Variants in ZNF227 observed in about 807,000 individuals in gnomAD.
ZNF227 encodes the protein zinc finger protein 227.
Under a neutral mutation model 13.2 loss-of-function variants are expected in ZNF227, and 12 were observed. That is an observed-to-expected ratio of 0.91 (90% confidence interval 0.58 to 1.47). The LOEUF (loss-of-function observed/expected upper bound fraction) is 1.47, where lower values mean the gene tolerates loss of function less well. ZNF227 is among the 40% of genes most tolerant of loss of function. The probability of loss-of-function intolerance (pLI) is 0.00; values close to 1 mark genes in which losing one functional copy is unlikely to be tolerated. For missense variants in ZNF227, 885 were observed against 967.5 expected (o/e 0.91, Z 1.13); for synonymous variants, 338 against 326.0 (o/e 1.04, Z -0.40).
At chr19:44,219,299 T>G (rs1300131036) in intron 3 of ZNF227, among the ~76,000 whole-genome samples, 2 of 152,184 alleles carry the variant, frequency 1.3e-5, no homozygotes, top group African/African-American at 2.4e-5. Flanking sequence ...ACGTAGATGC[T>G]CAAGCACAGT....
intron 3 of ZNF227, among the ~76,000 whole-genome samples, chr19:44,218,200 T>C (rs1318966979): frequency 6.6e-6 from 1 of 152,194 alleles, no homozygotes; most frequent in Non-Finnish European, 1.5e-5. Context: ...ACCTGCATTG[T>C]AAGTGAGTAC....
intron 5 of ZNF227, among the ~76,000 whole-genome samples, chr19:44,233,751 C>T (rs920534989): frequency 6.6e-6 from 1 of 152,046 alleles, no homozygotes; most frequent in Non-Finnish European, 1.5e-5. Flanking sequence ...CAAAAATTGG[C>T]TGAGTGTAGT....
intron 4 of ZNF227, 146 bp from the exon 5 acceptor site, chr19:44,229,587 G>A (rs1007196443): frequency 3.2e-5 from 12 of 375,384 alleles, no homozygotes; most frequent in Non-Finnish European, 4.4e-6. Context: ...ACTTCAGCCT[G>A]GGCGATAGAG....
intron 5 of ZNF227, among the ~76,000 whole-genome samples, chr19:44,233,781 C>T (rs545979229): frequency 2.0e-5 from 3 of 152,170 alleles, no homozygotes; most frequent in East Asian, 1.9e-4. Flanking sequence ...CAGTAATCCC[C>T]GCTACCCGGG....
At chr19:44,217,591 C>A in intron 2 of ZNF227, 200 bp from the exon 3 acceptor site, 1 of 731,596 alleles carries the variant, frequency 1.4e-6, no homozygotes, top group South Asian at 1.4e-5. Context: ...AGCAAGGATG[C>A]TGCACTTGTG....
At chr19:44,215,879 T>G (rs541194976) in intron 2 of ZNF227, among the ~76,000 whole-genome samples, 42 of 151,128 alleles carry the variant, frequency 2.8e-4, no homozygotes, top group African/African-American at 1.0e-3. Context: ...TCCCAGCTAC[T>G]CAGGAGGCTG....
upstream of ZNF227, among the ~76,000 whole-genome samples, chr19:44,208,828 T>C (rs1478472561): frequency 1.3e-5 from 2 of 152,162 alleles, no homozygotes; most frequent in Non-Finnish European, 2.9e-5. Flanking sequence ...ATTCTCCTTA[T>C]AGAAATAATG....
chr19:44,225,046 T>C (rs1972957479), intron 3 of ZNF227, among the ~76,000 whole-genome samples: 1 of 152,042 alleles, frequency 6.6e-6, no homozygotes, highest in Non-Finnish European at 1.5e-5. Context: ...TGGCTGGATA[T>C]GAAATTCTGG....
intron 3 of ZNF227, among the ~76,000 whole-genome samples, chr19:44,224,830 T>A (rs1340472712): frequency 3.3e-5 from 5 of 152,234 alleles, no homozygotes; most frequent in African/African-American, 7.2e-5. Flanking sequence ...CTGGTTATTT[T>A]GCTCGTTAGT....
upstream of ZNF227, among the ~76,000 whole-genome samples, chr19:44,208,369 C>T (rs1340048854): frequency 6.6e-6 from 1 of 152,200 alleles, no homozygotes; most frequent in Non-Finnish European, 1.5e-5. Context: ...ACCTCATCTG[C>T]TAGCCGATTT....
At chr19:44,220,141 T>C (rs1972329821) in intron 3 of ZNF227, among the ~76,000 whole-genome samples, 1 of 152,200 alleles carries the variant, frequency 6.6e-6, no homozygotes, top group African/African-American at 2.4e-5. Flanking sequence ...TAGTATTCCA[T>C]GGTGTATATG....
At chr19:44,223,576 T>G (rs11666199) in intron 3 of ZNF227, among the ~76,000 whole-genome samples, 68,267 of 151,944 alleles carry the variant, frequency 0.45, 16,817 homozygotes, top group South Asian at 0.65. Flanking sequence ...TATTCTCTGA[T>G]GGTAGTTTGT....
At chr19:44,220,508 C>T (rs150178882) in intron 3 of ZNF227, among the ~76,000 whole-genome samples, 171 of 151,880 alleles carry the variant, frequency 1.1e-3, no homozygotes, top group Non-Finnish European at 2.0e-3. Flanking sequence ...ATAAAGATAC[C>T]GATCACAGTA....
At chr19:44,230,937 A>AGATATATATCTATATC (rs1568609980) in intron 5 of ZNF227, among the ~76,000 whole-genome samples, 8 of 136,438 alleles carry the variant, frequency 5.9e-5, no homozygotes, top group African/African-American at 2.4e-4. Context: ...ATATATATAT[A>AGATATATATCTATATC]TATATATATA....
In ZNF227 at chr19:44,236,279, A is replaced by G. The variant is rs377419243; in HGVS notation, c.1849A>G (p.Ile617Val). The change falls in exon 6 of 6, where the codon ATA (isoleucine) becomes GTA (valine). Residue 617 changes from isoleucine (I) to valine (V), a missense_variant. Physicochemically the swap from Ile to Val is conservative, Grantham distance 29. Transcript: ENST00000313040. ...EQCDKSFSQA[I>V]DFRVHQRVHT... ...GTGTGATAAGAGCTTCAGTCAGGCC[A>G]TAGATTTTCGGGTACATCAGAGAGT... 21 of 1,613,708 alleles carry G rather than the reference A, an allele frequency of 1.3e-5. No individual in the cohort carries two copies. The African/African-American group carries it at 2.4e-4, about 18-fold the overall frequency.
chr19:44,235,785 T>C lies in ZNF227; in HGVS notation c.1355T>C (p.Ile452Thr). 1 of 1,610,016 alleles carries C rather than the reference T, an allele frequency of 6.2e-7. No individual in the cohort carries two copies. The highest frequency in any genetic ancestry group is 8.5e-7 in the Non-Finnish European group (1 of 1,178,876). The stretch of plus-strand genomic sequence containing the variant: ...GGCTTCAGCCACAATTCACCATTAA[T>C]ATGCCATCGGAGAGTCCACACAGGA... The part of the protein sequence containing the change: ...GKGFSHNSPL[I>T]CHRRVHTGEK... The change falls in exon 6 of 6, where the codon ATA (isoleucine) becomes ACA (threonine). Residue 452 changes from isoleucine to threonine, a missense_variant. Ile to Thr is a moderately conservative substitution (Grantham distance 89). Transcript: ENST00000313040.
Position 44,235,724 on chromosome 19 carries a change from G to A in ZNF227, c.1294G>A (p.Gly432Arg), listed in dbSNP as rs1414863356. ...TCACATCCATCAGAGAGTCCACACTGGAGAGAAACCCTACAAGTGTGATGT... is the reference window on the plus strand; with the variant it reads ...TCACATCCATCAGAGAGTCCACACTAGAGAGAAACCCTACAAGTGTGATGT... ...HFHIHQRVHT[G>R]EKPYKCDVCG... Residue 432 changes from glycine (G) to arginine (R), a missense_variant, in exon 6 of 6, where the codon GGA becomes AGA. Coordinates refer to ENST00000313040, the MANE Select transcript of ZNF227 (RefSeq NM_182490.3). 1.9e-6 allele frequency: 3 copies of A among 1,614,030 alleles called. No homozygotes were observed. In the Admixed American group the frequency reaches 5.0e-5, roughly 27 times the overall value.
At chr19:44,218,283 C>G (rs1418908961) in intron 3 of ZNF227, among the ~76,000 whole-genome samples, 1 of 152,160 alleles carries the variant, frequency 6.6e-6, no homozygotes, top group East Asian at 1.9e-4. Flanking sequence ...TTCAGAAATT[C>G]AGAAATTTTA....
chr19:44,236,926 T>C lies in ZNF227; in HGVS notation c.*96T>C. Reference sequence around the variant, plus strand: ...GTAAACCCTGTAAAACTACTGAGAGTGGAAGGGGGTTTGTTCACACTTGGA... The same window carrying C: ...GTAAACCCTGTAAAACTACTGAGAGCGGAAGGGGGTTTGTTCACACTTGGA... On this transcript the variant is annotated 3_prime_UTR_variant, in exon 6 of 6. Coordinates refer to ENST00000313040, the MANE Select transcript of ZNF227 (RefSeq NM_182490.3). 1.0e-6 allele frequency: 1 copy of C among 953,366 alleles called. No homozygotes were observed. The highest frequency in any genetic ancestry group is 1.5e-6 in the Non-Finnish European group (1 of 652,250). 59.1% of individuals were successfully genotyped at this position (953,366 alleles called of 1,614,324 possible). A position where few individuals can be genotyped will look rare whatever the true frequency, so the allele number is the denominator to read the frequency against.
Sources: allele counts gnomAD v4.1 joint callset (sites outside exome capture counted in the v4.1 genomes callset), GRCh38; gene constraint gnomAD v4.1.1; transcripts MANE v1.5; gene names NCBI Gene and HGNC (gene_info 2026-07-23, HGNC 2026-07-21).